LRP4: variants seen among roughly 807,000 people sequenced by gnomAD.
LRP4 encodes the protein low-density lipoprotein receptor-related protein 4.
LRP4 carries 95 observed loss-of-function variants against 220.3 expected under a neutral mutation model. The observed-to-expected ratio is 0.43, with a 90% CI of 0.37 to 0.51. LRP4 has a LOEUF of 0.51. Among genes scored for constraint, LRP4 ranks in the 20% least tolerant of loss-of-function variants. The probability of loss-of-function intolerance (pLI) is 0.00; values close to 1 mark genes in which losing one functional copy is unlikely to be tolerated. For synonymous variants in LRP4, 903 were observed against 954.6 expected (o/e 0.95, Z 1.00); for missense variants, 1,925 against 2,567.0 (o/e 0.75, Z 5.40).
At chr11:46,900,581 A>C (rs975411348) in intron 2 of LRP4, among the ~76,000 whole-genome samples, 15 of 151,160 alleles carry the variant, frequency 9.9e-5, no homozygotes, top group Non-Finnish European at 1.9e-4. Flanking sequence ...GGCGATTCTG[A>C]CTCAGCCTCC....
At position 46,875,555 on chromosome 11, in the gene LRP4, G is replaced by A. The variant is rs1940990372; in HGVS notation, c.3826C>T (p.His1276Tyr). Residue 1276 changes from histidine (H) to tyrosine (Y), a missense_variant, in exon 27 of 38, where the codon CAC becomes TAC. His to Tyr is a moderately conservative substitution (Grantham distance 83). Around this residue, in one of 3 missense-constraint regions of LRP4, gnomAD observed 1,244 missense variants for 1,624.9 expected, o/e 0.77. Coordinates refer to ENST00000378623, the MANE Select transcript of LRP4 (RefSeq NM_002334.4). The surrounding 1 kb of genome is among the most constrained non-coding windows in gnomAD (Gnocchi z 4.5). ...CTGCCAGTACCCTTGTCAGCACGGT[G>A]GATGCTCCGAGTCTGCCAGTCAGTC... ...YWTDWQTRSIHRADKGTGSNV... is the reference protein window; with the variant it reads ...YWTDWQTRSIYRADKGTGSNV... 3 of 1,614,032 alleles carry A rather than the reference G, an allele frequency of 1.9e-6. No individual in the cohort carries two copies. The highest frequency in any genetic ancestry group is 1.7e-6 in the Non-Finnish European group (2 of 1,180,014).
At chr11:46,904,035 C>G (rs1307938232) in intron 1 of LRP4, among the ~76,000 whole-genome samples, 1 of 152,224 alleles carries the variant, frequency 6.6e-6, no homozygotes, top group Non-Finnish European at 1.5e-5. Context: ...CTGCTCCAGC[C>G]TCAGCTGGAA....
Position 46,862,749 on chromosome 11 carries a change from TTTAGGAGGGAAGGTGATGAGAAA to T in LRP4, c.5244-25_5244-3del. The T allele has an allele frequency of 6.2e-7, 1 of 1,613,724 alleles. No individual in the cohort carries two copies. The highest frequency in any genetic ancestry group is 8.5e-7 in the Non-Finnish European group (1 of 1,179,818). ...TCAGTGAACTTGGATTTTTTGTGTC[TTTAGGAGGGAAGGTGATGAGAAA>T]TTAGTCGAGATCTTTAAGGGGATGA... On this transcript the variant is annotated splice_polypyrimidine_tract_variant and splice_region_variant and intron_variant, in intron 36 of 37. Transcript: ENST00000378623.
intron 12 of LRP4, among the ~76,000 whole-genome samples, chr11:46,893,364 T>G (rs1941461855): frequency 6.6e-6 from 1 of 152,172 alleles, no homozygotes; most frequent in Non-Finnish European, 1.5e-5. Context: ...GGGCATGCAC[T>G]TCCTCCTCAC....
Position 46,874,897 on chromosome 11 carries a change from G to A in LRP4, c.4132C>T (p.His1378Tyr). 1 of 1,614,196 alleles carries A rather than the reference G, an allele frequency of 6.2e-7. No homozygotes were observed. The highest frequency in any genetic ancestry group is 1.1e-5 in the South Asian group (1 of 91,086). The change falls in exon 28 of 38, where the codon CAT (histidine) becomes TAT (tyrosine). Residue 1378 changes from histidine (H) to tyrosine (Y), a missense_variant. Physicochemically the swap from His to Tyr is moderately conservative, Grantham distance 83. Coordinates refer to ENST00000378623, the MANE Select transcript of LRP4 (RefSeq NM_002334.4). ...SLDTSDHTDVHVPVPELNNVI... is the reference protein window; with the variant it reads ...SLDTSDHTDVYVPVPELNNVI... ...TTGTTGAGCTCAGGAACAGGGACAT[G>A]CACATCGGTGTGGTCACTGGTGTCC...
intron 16 of LRP4, among the ~76,000 whole-genome samples, chr11:46,888,983 C>T (rs952162397): frequency 2.6e-5 from 4 of 152,174 alleles, no homozygotes; most frequent in African/African-American, 4.8e-5. Flanking sequence ...ATCCAGGACC[C>T]GCTTACACAG....
In LRP4 at chr11:46,877,298, G is replaced by A; in HGVS notation, c.3178C>T (p.Arg1060Cys). Residue 1060 changes from arginine (R) to cysteine (C), a missense_variant, in exon 23 of 38, where the codon CGC becomes TGC. Arg to Cys is a radical substitution (Grantham distance 180). Coordinates refer to ENST00000378623, the MANE Select transcript of LRP4 (RefSeq NM_002334.4). ...FLIFARRIDI[R>C]MVSLDIPYFA... ...TAAGGGATGTCCAGGGAGACCATGC[G>A]AATGTCTATCCTCCTGGCGAAGATG... 5 of 1,614,048 alleles carry A rather than the reference G, an allele frequency of 3.1e-6. No homozygotes were observed. Among genetic ancestry groups the A allele is most frequent in the South Asian group, 2.2e-5 (2 of 91,072 alleles).
Position 46,899,827 on chromosome 11 carries a change from C to A in LRP4, c.430+36G>T. 6.3e-7 allele frequency: 1 copy of A among 1,575,868 alleles called. No homozygotes were observed. Among genetic ancestry groups the A allele is most frequent in the Non-Finnish European group, 8.7e-7 (1 of 1,146,726 alleles). On this transcript the variant is annotated intron_variant, in intron 4 of 37. Transcript: ENST00000378623. The surrounding 1 kb of genome is among the most constrained non-coding windows in gnomAD (Gnocchi z 5.9). Reference sequence around the variant, plus strand: ...CTCCCATGGCCAGGCCACCCACTGGCCACCTTGCCTGCCTTCCCCCGTTGG... The same window carrying A: ...CTCCCATGGCCAGGCCACCCACTGGACACCTTGCCTGCCTTCCCCCGTTGG...
At chr11:46,910,936 A>G (rs1264684494) in intron 1 of LRP4, among the ~76,000 whole-genome samples, 1 of 152,088 alleles carries the variant, frequency 6.6e-6, no homozygotes, top group Non-Finnish European at 1.5e-5. Flanking sequence ...TCGGCCTCCC[A>G]AAGCACTGGG....
chr11:46,864,144 A>C (rs1940632335), intron 36 of LRP4, among the ~76,000 whole-genome samples: 1 of 152,236 alleles, frequency 6.6e-6, no homozygotes, highest in African/African-American at 2.4e-5. Context: ...GTTAAGAGTC[A>C]GTCTTAGATT....
chr11:46,916,700 A>AT (rs1941951133), intron 1 of LRP4, among the ~76,000 whole-genome samples: 2 of 149,298 alleles, frequency 1.3e-5, no homozygotes, highest in African/African-American at 5.0e-5. Flanking sequence ...TTTTAACCCT[A>AT]ATTTTTTTTT....
In LRP4 at chr11:46,858,545, A is replaced by G; in HGVS notation, c.*438T>C. ...CATCCCTGTCTTTACCCACACCCCC[A>G]TGTCCCAGCCCCTGATGGGCAAGTT... On this transcript the variant is annotated 3_prime_UTR_variant, in exon 38 of 38. Transcript: ENST00000378623. 3.5e-6 allele frequency: 1 copy of G among 283,058 alleles called. No homozygotes were observed. Among genetic ancestry groups the G allele is most frequent in the South Asian group, 3.9e-5 (1 of 25,562 alleles). 17.5% of individuals were successfully genotyped at this position (283,058 alleles called of 1,614,324 possible). A position where few individuals can be genotyped will look rare whatever the true frequency, so the allele number is the denominator to read the frequency against.
At chr11:46,917,935 G>T (rs1004714398) in intron 1 of LRP4, among the ~76,000 whole-genome samples, 1 of 152,128 alleles carries the variant, frequency 6.6e-6, no homozygotes, top group Non-Finnish European at 1.5e-5. Flanking sequence ...TGGGTTTAGC[G>T]ACCCTCCTCA....
chr11:46,913,619 G>A (rs1941903629), intron 1 of LRP4, among the ~76,000 whole-genome samples: 1 of 152,096 alleles, frequency 6.6e-6, no homozygotes, highest in Admixed American at 6.6e-5. Flanking sequence ...TCAGGCCAAT[G>A]GGAGGGAGGG....
intron 31 of LRP4, among the ~76,000 whole-genome samples, chr11:46,869,526 G>A (rs1436624519): frequency 6.6e-6 from 1 of 152,184 alleles, no homozygotes; most frequent in African/African-American, 2.4e-5. Flanking sequence ...CAAATAGGAG[G>A]AAATTTGAAG....
At chr11:46,909,598 C>A (rs1331364279) in intron 1 of LRP4, among the ~76,000 whole-genome samples, 2 of 95,648 alleles carry the variant, frequency 2.1e-5, no homozygotes, top group Non-Finnish European at 3.7e-5. Context: ...GGCGACAGAG[C>A]GAGACTCCGT....
At chr11:46,861,573 T>G (rs1301894403) in intron 37 of LRP4, among the ~76,000 whole-genome samples, 2 of 113,684 alleles carry the variant, frequency 1.8e-5, no homozygotes, top group Non-Finnish European at 3.4e-5. Context: ...TCACCCAGGC[T>G]GGAGGGTAGT....
chr11:46,861,677 C>T (rs192092929), intron 37 of LRP4, among the ~76,000 whole-genome samples: 4 of 151,764 alleles, frequency 2.6e-5, no homozygotes, highest in Non-Finnish European at 2.9e-5. Context: ...AGGCACAAGC[C>T]ACCACAACCA....
chr11:46,867,662 T>C (rs1252909028), intron 34 of LRP4, among the ~76,000 whole-genome samples: 1 of 152,186 alleles, frequency 6.6e-6, no homozygotes, highest in African/African-American at 2.4e-5. Flanking sequence ...GGTTTCTCCA[T>C]GTTGGGCAGG....
Sources: gnomAD v4.1 joint callset for allele counts (sites outside exome capture counted in the v4.1 genomes callset) on GRCh38, gnomAD v4.1.1 for gene constraint, gnomAD v4.1.1 regional missense constraint, Gnocchi (gnomAD v3.1) non-coding constraint, MANE v1.5 for transcripts, NCBI Gene and HGNC (gene_info 2026-07-23, HGNC 2026-07-21) for gene names.